The following COL28A1 variants were observed in gnomAD, a reference collection of about 807,000 sequenced individuals.
COL28A1 encodes the protein collagen type XXVIII alpha 1 chain.
COL28A1 carries 161 observed loss-of-function variants against 150.2 expected under a neutral mutation model. The ratio of observed to expected loss-of-function variants is 1.07; its 90% confidence interval spans 0.94 to 1.22. The LOEUF (loss-of-function observed/expected upper bound fraction) is 1.22. Among genes scored for constraint, COL28A1 ranks in the 50% most tolerant of loss-of-function variants. The probability of loss-of-function intolerance (pLI) is 0.00; values close to 1 mark genes in which losing one functional copy is unlikely to be tolerated. For synonymous variants in COL28A1, 552 were observed against 469.7 expected, an observed-to-expected ratio of 1.18 and a Z score of -2.26; for missense variants, 1,617 against 1,388.3, an observed-to-expected ratio of 1.16 and a Z score of -2.62.
intron 18 of COL28A1, among the ~76,000 whole-genome samples, chr7:7,449,564 A>G (rs1051518434): frequency 6.6e-6 from 1 of 152,034 alleles, no homozygotes; most frequent in African/African-American, 2.4e-5. Flanking sequence ...GAGCTAAAAA[A>G]TAATAGGCAA....
intron 1 of COL28A1, 32 bp from the exon 2 acceptor site, chr7:7,532,944 A>G: frequency 6.8e-7 from 1 of 1,469,900 alleles, no homozygotes; most frequent in Non-Finnish European, 9.0e-7. Context: ...CAAATACTTT[A>G]ATAAAATATG....
rs1583366817 is a variant in COL28A1 at position 7,436,496 on chromosome 7, A to C, written c.1792-33T>G. 7.0e-6 allele frequency: 7 copies of C among 1,001,602 alleles called. 1 individual carries two copies. The highest frequency in any genetic ancestry group is 1.1e-5 in the Non-Finnish European group (7 of 621,092). The allele number at this position is 1,001,602 out of a possible 1,614,324, so 62.0% of individuals were successfully genotyped here. On this transcript the variant is annotated intron_variant, in intron 22 of 34. Coordinates refer to ENST00000399429, the MANE Select transcript of COL28A1 (RefSeq NM_001037763.3). ...TTTCAAATAACATTTCACAGGCTAC[A>C]GTTGTGCGAGAAATCACAAGCACAC...
chr7:7,364,512 T>C (rs1255817341), intron 33 of COL28A1, among the ~76,000 whole-genome samples: 1 of 152,190 alleles, frequency 6.6e-6, no homozygotes, highest in East Asian at 1.9e-4. Flanking sequence ...TTTCCCATTG[T>C]CGTCACTCCT....
upstream of COL28A1, among the ~76,000 whole-genome samples, chr7:7,536,102 A>G (rs1267448841): frequency 6.6e-6 from 1 of 152,058 alleles, no homozygotes; most frequent in Non-Finnish European, 1.5e-5. Context: ...TTCTCATGCT[A>G]TGTCCTTCTC....
intron 27 of COL28A1, among the ~76,000 whole-genome samples, chr7:7,382,632 C>T (rs1781933736): frequency 6.6e-6 from 1 of 152,052 alleles, no homozygotes; most frequent in Non-Finnish European, 1.5e-5. Context: ...TTATTTGACT[C>T]TGGATAATTA....
intron 9 of COL28A1, among the ~76,000 whole-genome samples, chr7:7,509,052 T>G (rs1780980790): frequency 6.6e-6 from 1 of 152,188 alleles, no homozygotes. Context: ...CAGGCTTGTC[T>G]CAAACTCCTG....
intron 11 of COL28A1, among the ~76,000 whole-genome samples, chr7:7,501,485 G>C (rs1023784305): frequency 6.6e-6 from 1 of 152,158 alleles, no homozygotes; most frequent in African/African-American, 2.4e-5. Context: ...CTTGGAAAGA[G>C]TGGATTTGCA....
At chr7:7,502,395 C>A (rs994109719) in intron 11 of COL28A1, among the ~76,000 whole-genome samples, 3 of 152,160 alleles carry the variant, frequency 2.0e-5, no homozygotes, top group Non-Finnish European at 4.4e-5. Flanking sequence ...GGGCCAGGAG[C>A]ACATTTTTTC....
intron 6 of COL28A1, among the ~76,000 whole-genome samples, chr7:7,518,173 G>C (rs1296761463): frequency 2.6e-5 from 4 of 152,058 alleles, no homozygotes; most frequent in African/African-American, 7.2e-5. Context: ...TTCTCTAAGG[G>C]GCTTTGGAAT....
intron 27 of COL28A1, among the ~76,000 whole-genome samples, chr7:7,404,290 T>C (rs1323159903): frequency 5.3e-5 from 8 of 151,924 alleles, no homozygotes; most frequent in Admixed American, 5.2e-4. Context: ...GACTTACTCT[T>C]TGAAAGAGTG....
At chr7:7,451,056 G>A (rs1042343599) in intron 18 of COL28A1, among the ~76,000 whole-genome samples, 2 of 151,990 alleles carry the variant, frequency 1.3e-5, no homozygotes, top group African/African-American at 4.8e-5. Context: ...AGGAGAGAAG[G>A]GAGGGCAGTG....
chr7:7,423,548 A>G (rs1784487963), intron 25 of COL28A1, among the ~76,000 whole-genome samples: 1 of 127,968 alleles, frequency 7.8e-6, no homozygotes. Flanking sequence ...GATGTACCAA[A>G]TGTTACATAA....
intron 33 of COL28A1, among the ~76,000 whole-genome samples, chr7:7,360,829 A>G (rs1246086346): frequency 6.6e-6 from 1 of 152,340 alleles, no homozygotes; most frequent in East Asian, 1.9e-4. Context: ...GGGTGCTGGG[A>G]CATCCAAAGC....
Position 7,453,439 on chromosome 7 carries a change from C to T in COL28A1, c.1440+1G>A, listed in dbSNP as rs1432217933. 1.7e-6 allele frequency: 2 copies of T among 1,172,282 alleles called. No homozygotes were observed. Among genetic ancestry groups the T allele is most frequent in the Non-Finnish European group, 2.6e-6 (2 of 776,378 alleles). The allele number at this position is 1,172,282 out of a possible 1,614,324, so 72.6% of individuals were successfully genotyped here. ...AACTCCGCTCTCATTTACAAAGTTA[C>T]CTTGGAACCAGGTAAGCCCTGTCCT... is the stretch of plus-strand genomic sequence containing the variant. On this transcript the variant is annotated splice_donor_variant, in intron 17 of 34. Coordinates refer to ENST00000399429, the MANE Select transcript of COL28A1 (RefSeq NM_001037763.3). LOFTEE classifies it high-confidence loss of function.
the COL28A1 span, among the ~76,000 whole-genome samples, chr7:7,343,264 A>T: frequency 6.6e-6 from 1 of 151,950 alleles, no homozygotes; most frequent in Non-Finnish European, 1.5e-5. Context: ...GTTCTGAAAA[A>T]TTTCACATGG....
chr7:7,390,343 A>G (rs56193466), intron 27 of COL28A1, among the ~76,000 whole-genome samples: 25,225 of 152,060 alleles, frequency 0.17, 3,874 homozygotes, highest in African/African-American at 0.4. Context: ...GGATGAAGCC[A>G]ACTTGATCGT....
At chr7:7,471,125 T>TTAAAAA (rs1243089855) in intron 15 of COL28A1, among the ~76,000 whole-genome samples, 1 of 88,524 alleles carries the variant, frequency 1.1e-5, no homozygotes, top group African/African-American at 4.1e-5. Context: ...AAAAAATAAT[T>TTAAAAA]AAAAAAAAAA....
chr7:7,363,935 C>CA, intron 33 of COL28A1, among the ~76,000 whole-genome samples: 1 of 152,184 alleles, frequency 6.6e-6, no homozygotes, highest in East Asian at 1.9e-4. Flanking sequence ...GGTGAGCCAC[C>CA]ACGCCCAGCC....
intron 3 of COL28A1, 60 bp from the exon 4 acceptor site, chr7:7,524,309 A>C: frequency 1.1e-6 from 1 of 923,358 alleles, no homozygotes; most frequent in Non-Finnish European, 1.8e-6. Flanking sequence ...CCAGCTACTT[A>C]TTAGTCATAA....
Sources: allele counts gnomAD v4.1 joint callset (sites outside exome capture counted in the v4.1 genomes callset), GRCh38; gene constraint gnomAD v4.1.1; transcripts MANE v1.5; gene names NCBI Gene and HGNC (gene_info 2026-07-23, HGNC 2026-07-21).